The following AFF2 variants were observed in gnomAD, a reference collection of about 807,000 sequenced individuals.
AFF2 encodes ALF transcription elongation factor 2.
Under a neutral mutation model 76.9 loss-of-function variants are expected in AFF2, and 14 were observed. The ratio of observed to expected loss-of-function variants is 0.18; its 90% CI spans 0.12 to 0.28. The LOEUF (loss-of-function observed/expected upper bound fraction) is 0.28, where lower values mean the gene tolerates loss of function less well. Ranked by LOEUF, AFF2 falls within the 10% of genes least tolerant of loss-of-function variation. The probability of loss-of-function intolerance (pLI) is 1.00; values close to 1 mark genes in which losing one functional copy is unlikely to be tolerated. For missense variants in AFF2, 868 were observed against 1,001.1 expected (o/e 0.87, Z 1.79); for synonymous variants, 398 against 366.7 (o/e 1.09, Z -0.98).
intron 5 of AFF2, 144 bp from the exon 6 acceptor site, chrX:148,842,822 C>A: frequency 2.3e-6 from 1 of 426,901 alleles, no homozygotes; most frequent in Non-Finnish European, 3.9e-6. Flanking sequence ...GAGCTATAGA[C>A]AAAAGCCTAA....
chrX:148,687,850 A>T (rs187610453), intron 3 of AFF2, among the ~76,000 whole-genome samples: 81 of 110,371 alleles, frequency 7.3e-4, no homozygotes, highest in Middle Eastern at 4.7e-3. Context: ...GCTTATCCCC[A>T]TCTCTTTCCC....
chrX:148,791,699 T>G (rs2069897310), intron 3 of AFF2, among the ~76,000 whole-genome samples: 1 of 112,395 alleles, frequency 8.9e-6, no homozygotes, highest in African/African-American at 3.2e-5. Context: ...CTTTTTGAGA[T>G]TTTATAAAAT....
intron 1 of AFF2, among the ~76,000 whole-genome samples, chrX:148,635,012 A>G (rs2054016767): frequency 8.9e-6 from 1 of 111,926 alleles, no homozygotes; most frequent in Admixed American, 9.5e-5. Flanking sequence ...TAGGATGACC[A>G]CAGTGAACAA....
chrX:148,535,317 T>C (rs2052772182), intron 1 of AFF2, among the ~76,000 whole-genome samples: 1 of 112,223 alleles, frequency 8.9e-6, no homozygotes, highest in Non-Finnish European at 1.9e-5. Context: ...ACAAAACAGT[T>C]TTTTTTGGTA....
At chrX:148,712,268 TTGGGAA>T (rs1313265140) in intron 3 of AFF2, among the ~76,000 whole-genome samples, 1 of 111,826 alleles carries the variant, frequency 8.9e-6, no homozygotes, top group African/African-American at 3.3e-5. Context: ...TTCTTGTGCC[TTGGGAA>T]TGTTGCCGTA....
chrX:148,708,936 T>G (rs1305833356), intron 3 of AFF2, among the ~76,000 whole-genome samples: 2 of 111,970 alleles, frequency 1.8e-5, no homozygotes, highest in Non-Finnish European at 3.8e-5. Context: ...GTAACAAAGG[T>G]TTTAATGTAA....
At chrX:148,583,061 T>A (rs782020653) in intron 1 of AFF2, among the ~76,000 whole-genome samples, 1 of 111,719 alleles carries the variant, frequency 9.0e-6, no homozygotes, top group East Asian at 2.8e-4. Flanking sequence ...GAAGACACAG[T>A]GACAGAAGGT....
chrX:148,666,509 C>T (rs1270843705), intron 3 of AFF2, among the ~76,000 whole-genome samples: 10 of 110,045 alleles, frequency 9.1e-5, no homozygotes, highest in East Asian at 5.7e-4. Flanking sequence ...AGCTTGAACC[C>T]GGGAGGCAGA....
intron 9 of AFF2, among the ~76,000 whole-genome samples, chrX:148,919,297 A>G (rs1269178756): frequency 2.7e-5 from 3 of 111,161 alleles, no homozygotes; most frequent in African/African-American, 6.5e-5. Flanking sequence ...CCCAGTGGGC[A>G]TAAGAGATGA....
Position 148,736,847 on chromosome X carries a change from C to A in AFF2, c.1042-73029C>A, listed in dbSNP as rs182885560. 3.3e-3 allele frequency among the ~76,000 whole-genome samples: 363 copies of A among 111,606 alleles called. 1 individual carries two copies. The highest frequency in any genetic ancestry group is 0.011 in the African/African-American group (345 of 30,782). On this transcript the variant is annotated intron_variant, in intron 3 of 20. Coordinates refer to ENST00000370460, the MANE Select transcript of AFF2 (RefSeq NM_002025.4). ...ATCCTACATATGGCTAGCTAATTAT[C>A]CCAGCACCATTTGTTGAAAAGGGTG...
chrX:148,792,344 TC>T (rs1369206953), intron 3 of AFF2, among the ~76,000 whole-genome samples: 1 of 112,528 alleles, frequency 8.9e-6, no homozygotes, highest in African/African-American at 3.2e-5. Flanking sequence ...TCCCAGATAT[TC>T]AGGAGGCTGA....
intron 13 of AFF2, among the ~76,000 whole-genome samples, chrX:148,965,344 T>C (rs1406067746): frequency 9.0e-6 from 1 of 111,584 alleles, no homozygotes; most frequent in African/African-American, 3.3e-5. Flanking sequence ...AAAGATGAAA[T>C]AGAGGAATTG....
chrX:148,792,665 A>T (rs782106197), intron 3 of AFF2, among the ~76,000 whole-genome samples: 5 of 112,104 alleles, frequency 4.5e-5, no homozygotes, highest in Admixed American at 9.4e-5. Flanking sequence ...GGCATTTGTG[A>T]AAAAGTGTTT....
chrX:148,650,571 C>A (rs1029420684), intron 1 of AFF2, among the ~76,000 whole-genome samples: 2 of 112,219 alleles, frequency 1.8e-5, no homozygotes, highest in Non-Finnish European at 3.8e-5. Flanking sequence ...TTTAAACATC[C>A]TATAAATGTT....
chrX:148,617,071 T>C (rs1198859404), intron 1 of AFF2, among the ~76,000 whole-genome samples: 3 of 111,866 alleles, frequency 2.7e-5, no homozygotes, highest in African/African-American at 9.8e-5. Flanking sequence ...TGATTTATAG[T>C]CCTTTGGGTA....
chrX:148,876,553 G>C (rs187752487), intron 7 of AFF2, among the ~76,000 whole-genome samples: 44 of 112,118 alleles, frequency 3.9e-4, no homozygotes, highest in Non-Finnish European at 7.5e-4. Flanking sequence ...CTATTGTTCT[G>C]TTTATGGTAA....
intron 20 of AFF2, among the ~76,000 whole-genome samples, chrX:148,988,971 T>C (rs189452884): frequency 8.9e-6 from 1 of 112,196 alleles, no homozygotes; most frequent in East Asian, 2.8e-4. Context: ...GATTCCAGAG[T>C]CTCATTTCTT....
At chrX:148,766,826 C>A (rs1165630168) in intron 3 of AFF2, among the ~76,000 whole-genome samples, 1 of 111,886 alleles carries the variant, frequency 8.9e-6, no homozygotes, top group Non-Finnish European at 1.9e-5. Context: ...TGTCAGATTT[C>A]TTGTTGATTT....
chrX:148,929,040 A>G (rs1557284096), intron 9 of AFF2, among the ~76,000 whole-genome samples: 2 of 112,322 alleles, frequency 1.8e-5, no homozygotes, highest in East Asian at 2.8e-4. Flanking sequence ...TCACGTTGAC[A>G]TTACCAAATT....
Sources: allele counts gnomAD v4.1 joint callset (sites outside exome capture counted in the v4.1 genomes callset), GRCh38; gene constraint gnomAD v4.1.1; transcripts MANE v1.5; gene names NCBI Gene and HGNC (gene_info 2026-07-23, HGNC 2026-07-21).